Variants in KLHL4 observed in about 807,000 individuals in gnomAD.
The protein encoded by KLHL4 is kelch-like protein 4.
Under a neutral mutation model 45.8 loss-of-function variants are expected in KLHL4, and 17 were observed. The observed-to-expected ratio is 0.37, with a 90% CI of 0.25 to 0.56. The LOEUF is 0.56. Ranked by LOEUF, KLHL4 falls within the 20% of genes least tolerant of loss-of-function variation. The probability of loss-of-function intolerance (pLI) is 0.79; values close to 1 mark genes in which losing one functional copy is unlikely to be tolerated. For synonymous variants in KLHL4, 224 were observed against 189.9 expected, an observed-to-expected ratio of 1.18 and a Z score of -1.47; for missense variants, 544 against 544.9, an observed-to-expected ratio of 1.00 and a Z score of 0.02.
chrX:87,615,907 C>A (rs1922541888), intron 3 of KLHL4, among the ~76,000 whole-genome samples: 1 of 110,983 alleles, frequency 9.0e-6, no homozygotes, highest in Non-Finnish European at 1.9e-5. Context: ...ATACAGGTTG[C>A]AAGCTTTTTT....
At chrX:87,538,181 C>T (rs1415416438) in intron 1 of KLHL4, among the ~76,000 whole-genome samples, 1 of 111,323 alleles carries the variant, frequency 9.0e-6, no homozygotes, top group African/African-American at 3.3e-5. Context: ...AATTGATACA[C>T]GCAGAGGCAT....
At chrX:87,655,435 T>C (rs1349232738) in intron 9 of KLHL4, among the ~76,000 whole-genome samples, 2 of 112,296 alleles carry the variant, frequency 1.8e-5, no homozygotes, top group Admixed American at 9.5e-5. Context: ...CATGATTATA[T>C]TATGACATTA....
At chrX:87,529,399 CTAAG>C (rs1164937729) in intron 1 of KLHL4, among the ~76,000 whole-genome samples, 1 of 111,301 alleles carries the variant, frequency 9.0e-6, no homozygotes, top group Non-Finnish European at 1.9e-5. Flanking sequence ...GGATTAGTGG[CTAAG>C]TAATACAGAA....
At chrX:87,542,493 T>G (rs756220559) in intron 1 of KLHL4, among the ~76,000 whole-genome samples, 10 of 112,340 alleles carry the variant, frequency 8.9e-5, no homozygotes, top group Non-Finnish European at 1.7e-4. Context: ...ATGCCCTTGA[T>G]GTAAGACATA....
chrX:87,641,314 A>G (rs1355414172), intron 9 of KLHL4, among the ~76,000 whole-genome samples: 3 of 111,775 alleles, frequency 2.7e-5, no homozygotes, highest in Non-Finnish European at 3.8e-5. Context: ...GAAGTTTCCA[A>G]CTTTACCTGG....
intron 1 of KLHL4, among the ~76,000 whole-genome samples, chrX:87,543,439 A>G (rs754543610): frequency 9.0e-6 from 1 of 111,598 alleles, no homozygotes; most frequent in African/African-American, 3.3e-5. Context: ...AACTTCATGT[A>G]CATGAAAGAG....
intron 9 of KLHL4, among the ~76,000 whole-genome samples, chrX:87,661,739 C>T (rs1171776074): frequency 4.5e-5 from 5 of 111,750 alleles, no homozygotes; most frequent in African/African-American, 1.3e-4. Context: ...AATTCTCATA[C>T]TCTTAAAATT....
In KLHL4 at chrX:87,547,082, G is replaced by T. The variant is rs145862099; in HGVS notation, c.422+28767G>T. On this transcript the variant is annotated intron_variant, in intron 1 of 10. Coordinates refer to ENST00000373119, the MANE Select transcript of KLHL4 (RefSeq NM_019117.5). ...GGAAAGAGTTAAGAATTGGGGTACT[G>T]TTGGGAAGGCACAATTGGTTTCAGA... Among the ~76,000 whole-genome samples, 266 of 111,943 alleles carry T rather than the reference G, an allele frequency of 2.4e-3. 2 individuals are homozygous for T. Among genetic ancestry groups the T allele is most frequent in the African/African-American group, 8.2e-3 (254 of 30,843 alleles).
Position 87,669,430 on chromosome X carries a change from T to A in KLHL4, c.*2896T>A. On this transcript the variant is annotated 3_prime_UTR_variant, in exon 11 of 11. Transcript: ENST00000373119. Reference sequence around the variant, plus strand: ...TTTCTCCACACAGCAATGACATTTATCAATCTGACTCAGGTGTGGCTGTTG... The same window carrying A: ...TTTCTCCACACAGCAATGACATTTAACAATCTGACTCAGGTGTGGCTGTTG... 8.3e-7 allele frequency: 1 copy of A among 1,203,321 alleles called. No homozygotes were observed. The highest frequency in any genetic ancestry group is 1.7e-5 in the African/African-American group (1 of 57,396).
At chrX:87,541,256 G>T (rs1326755902) in intron 1 of KLHL4, among the ~76,000 whole-genome samples, 1 of 109,140 alleles carries the variant, frequency 9.2e-6, no homozygotes, top group Non-Finnish European at 1.9e-5. Flanking sequence ...GGAGGCCGAG[G>T]GGGGTGGATC....
intron 1 of KLHL4, among the ~76,000 whole-genome samples, chrX:87,528,706 C>CAAAAAAAA (rs1160857135): frequency 1.6e-4 from 5 of 31,493 alleles, no homozygotes; most frequent in African/African-American, 2.6e-4. Flanking sequence ...CAAAGCGAGA[C>CAAAAAAAA]AAAAAAAAAA....
At chrX:87,608,007 C>A (rs1043112499) in intron 1 of KLHL4, among the ~76,000 whole-genome samples, 1 of 111,625 alleles carries the variant, frequency 9.0e-6, no homozygotes, top group African/African-American at 3.3e-5. Flanking sequence ...TATCCTAACA[C>A]ACTTATGATT....
At chrX:87,643,858 T>G (rs1382624984) in intron 9 of KLHL4, among the ~76,000 whole-genome samples, 3 of 111,817 alleles carry the variant, frequency 2.7e-5, no homozygotes, top group African/African-American at 9.8e-5. Flanking sequence ...GCAACCTTTA[T>G]GATTAAAATT....
At chrX:87,659,461 A>C (rs1924112330) in intron 9 of KLHL4, among the ~76,000 whole-genome samples, 1 of 111,273 alleles carries the variant, frequency 9.0e-6, no homozygotes, top group African/African-American at 3.3e-5. Flanking sequence ...CAATAATTTT[A>C]AATGACCTAT....
At chrX:87,585,395 G>A (rs974846581) in intron 1 of KLHL4, among the ~76,000 whole-genome samples, 7 of 111,148 alleles carry the variant, frequency 6.3e-5, no homozygotes, top group African/African-American at 1.6e-4. Flanking sequence ...AAGACAAAAC[G>A]AAAAATAATA....
At position 87,646,651 on chromosome X, in the gene KLHL4, A is replaced by G. The variant is rs191802586; in HGVS notation, c.1925+10876A>G. Among the ~76,000 whole-genome samples the G allele has an allele frequency of 3.5e-3, 389 of 111,865 alleles. 1 individual carries two copies. Among genetic ancestry groups the G allele is most frequent in the African/African-American group, 0.012 (377 of 30,868 alleles). ...GAAAAACATAAAGTGGGGAAAGGAC[A>G]CTGTATTCAACAAATGGTGCTGGGA... On this transcript the variant is annotated intron_variant, in intron 9 of 10. Coordinates refer to ENST00000373119, the MANE Select transcript of KLHL4 (RefSeq NM_019117.5).
At chrX:87,578,853 C>T (rs781080298) in intron 1 of KLHL4, among the ~76,000 whole-genome samples, 1 of 111,901 alleles carries the variant, frequency 8.9e-6, no homozygotes, top group East Asian at 2.8e-4. Flanking sequence ...GGGTAGTTGG[C>T]TTACAATGTA....
intron 1 of KLHL4, among the ~76,000 whole-genome samples, chrX:87,598,760 C>T (rs752058554): frequency 1.6e-3 from 177 of 110,757 alleles, no homozygotes; most frequent in African/African-American, 5.6e-3. Context: ...TAAATTTTCC[C>T]TGTTATAAGG....
chrX:87,605,139 A>G (rs1272305076), intron 1 of KLHL4, among the ~76,000 whole-genome samples: 2 of 111,718 alleles, frequency 1.8e-5, no homozygotes. Flanking sequence ...TTTTAATACC[A>G]ATATCATACT....
Sources: gnomAD v4.1 joint callset for allele counts (sites outside exome capture counted in the v4.1 genomes callset) on GRCh38, gnomAD v4.1.1 for gene constraint, MANE v1.5 for transcripts, NCBI Gene and HGNC (gene_info 2026-07-23, HGNC 2026-07-21) for gene names.